ABCA13: variants seen among roughly 807,000 people sequenced by gnomAD.
ABCA13 encodes ATP binding cassette subfamily A member 13.
ABCA13 carries 476 observed loss-of-function variants against 478.7 expected under a neutral mutation model. The observed-to-expected ratio is 0.99, with a 90% confidence interval of 0.92 to 1.07. The LOEUF (loss-of-function observed/expected upper bound fraction) is 1.07, where lower values mean the gene tolerates loss of function less well. ABCA13 is among the 50% of genes least tolerant of loss of function. ABCA13 has a pLI of 0.00. For synonymous variants in ABCA13, 2,252 were observed against 2,158.9 expected (o/e 1.04, Z -1.20); for missense variants, 6,060 against 5,910.6 (o/e 1.03, Z -0.83).
At chr7:48,229,743 G>A in intron 6 of ABCA13, 82 bp from the exon 7 acceptor site, 1 of 1,535,252 alleles carries the variant, frequency 6.5e-7, no homozygotes, top group African/African-American at 1.4e-5. Flanking sequence ...CCAGTCCATG[G>A]GATGTAAGTA....
At chr7:48,612,492 A>G (rs1218126709) in intron 58 of ABCA13, among the ~76,000 whole-genome samples, 2 of 152,160 alleles carry the variant, frequency 1.3e-5, no homozygotes, top group Admixed American at 6.5e-5. Flanking sequence ...TTTTCTTACT[A>G]GGTAGTTTTT....
At chr7:48,571,483 G>C (rs1787640117) in intron 55 of ABCA13, among the ~76,000 whole-genome samples, 2 of 148,424 alleles carry the variant, frequency 1.3e-5, no homozygotes, top group African/African-American at 2.6e-5. Flanking sequence ...TTCTAGGCTA[G>C]CTTTTTTTTT....
intron 59 of ABCA13, among the ~76,000 whole-genome samples, chr7:48,638,220 C>T (rs938626386): frequency 2.0e-5 from 3 of 152,198 alleles, no homozygotes; most frequent in Admixed American, 6.5e-5. Context: ...AGACATGAAG[C>T]TGACATGGCC....
intron 59 of ABCA13, among the ~76,000 whole-genome samples, chr7:48,620,753 GT>G (rs1418953189): frequency 6.6e-6 from 1 of 152,178 alleles, no homozygotes; most frequent in Non-Finnish European, 1.5e-5. Context: ...GTCCTGCTCA[GT>G]GGCTAAGAGG....
chr7:48,257,360 G>A (rs1010687857), intron 15 of ABCA13, among the ~76,000 whole-genome samples: 1 of 152,066 alleles, frequency 6.6e-6, no homozygotes, highest in Non-Finnish European at 1.5e-5. Flanking sequence ...GGTGAGAGTG[G>A]TCATCCTTGT....
intron 29 of ABCA13, among the ~76,000 whole-genome samples, chr7:48,345,820 A>T (rs936355923): frequency 6.6e-6 from 1 of 152,216 alleles, no homozygotes; most frequent in African/African-American, 2.4e-5. Context: ...AGGCCTTCAC[A>T]TTCACTCACT....
intron 23 of ABCA13, among the ~76,000 whole-genome samples, chr7:48,300,491 T>A (rs1045520704): frequency 6.6e-6 from 1 of 152,118 alleles, no homozygotes; most frequent in Non-Finnish European, 1.5e-5. Context: ...AACACAACAA[T>A]GAGGACAGGT....
intron 55 of ABCA13, among the ~76,000 whole-genome samples, chr7:48,532,772 T>A (rs965644235): frequency 1.3e-5 from 2 of 152,068 alleles, no homozygotes; most frequent in Non-Finnish European, 2.9e-5. Context: ...CTCCTTCAGG[T>A]TTCCTAATTT....
chr7:48,367,933 G>T, intron 32 of ABCA13, 25 bp downstream of exon 32: 1 of 1,529,824 alleles, frequency 6.5e-7, no homozygotes, highest in Non-Finnish European at 8.9e-7. Flanking sequence ...ACCTTGCCTG[G>T]GAGACAAAGA....
At chr7:48,513,674 A>G (rs1261345271) in intron 51 of ABCA13, among the ~76,000 whole-genome samples, 1 of 152,214 alleles carries the variant, frequency 6.6e-6, no homozygotes, top group East Asian at 1.9e-4. Flanking sequence ...AAATTTTAAA[A>G]TCATTAAAAT....
chr7:48,588,229 C>G (rs1789381759), intron 57 of ABCA13, among the ~76,000 whole-genome samples: 1 of 152,184 alleles, frequency 6.6e-6, no homozygotes, highest in Non-Finnish European at 1.5e-5. Flanking sequence ...AATTCCTAGA[C>G]TATTGTATAG....
intron 51 of ABCA13, 139 bp from the exon 52 acceptor site, chr7:48,516,585 GA>G: frequency 2.4e-6 from 2 of 817,142 alleles, no homozygotes; most frequent in Admixed American, 2.4e-5. Context: ...TATGTATGGG[GA>G]AAAACATAGT....
chr7:48,608,614 A>T (rs1791711724), intron 58 of ABCA13, among the ~76,000 whole-genome samples: 2 of 152,264 alleles, frequency 1.3e-5, no homozygotes, highest in Non-Finnish European at 2.9e-5. Context: ...GGCATTACCC[A>T]ATGGTCCAAA....
chr7:48,568,985 A>G (rs938700809), intron 55 of ABCA13, among the ~76,000 whole-genome samples: 18 of 151,978 alleles, frequency 1.2e-4, no homozygotes, highest in Middle Eastern at 3.4e-3. Flanking sequence ...TTTATTTCTT[A>G]TTTTAGTAAT....
intron 56 of ABCA13, among the ~76,000 whole-genome samples, chr7:48,586,625 G>A (rs1265349891): frequency 6.6e-6 from 1 of 152,066 alleles, no homozygotes; most frequent in Non-Finnish European, 1.5e-5. Flanking sequence ...CTACCTGTTG[G>A]GTTCCATGCT....
chr7:48,598,225 A>G (rs999937846), intron 58 of ABCA13, among the ~76,000 whole-genome samples: 3 of 151,916 alleles, frequency 2.0e-5, no homozygotes, highest in East Asian at 1.9e-4. Context: ...GACTTTTTTC[A>G]TTTAGTTTCT....
In ABCA13 at chr7:48,550,169, A is replaced by G. The variant is rs1043545014; in HGVS notation, c.14354+21824A>G. Among the ~76,000 whole-genome samples the G allele has an allele frequency of 3.3e-5, 5 of 151,986 alleles. 1 individual carries two copies. Among genetic ancestry groups the G allele is most frequent in the East Asian group, 1.9e-4 (1 of 5,188 alleles). On this transcript the variant is annotated intron_variant, in intron 55 of 61. Transcript: ENST00000435803. ...GAAGCATAGCTAACATTTCTGTCCT[A>G]TGCTTACCACAAAGTAGCTGAATAT...
At position 48,374,350 on chromosome 7, in the gene ABCA13, C is replaced by T. The variant is rs369547343; in HGVS notation, c.11137C>T (p.Leu3713Phe). Residue 3713 changes from leucine to phenylalanine, a missense_variant, in exon 34 of 62, where the codon CTT (leucine) becomes TTT (phenylalanine). By Grantham distance (22) the Leu-to-Phe change is conservative. Transcript: ENST00000435803. Reference protein sequence around the residue: ...LSFVNQTFLCLLSTTAFGQGV... With the variant: ...LSFVNQTFLCFLSTTAFGQGV... ...TTCTCCATCAATCTGTGGGCAGTGC[C>T]TTCTTTCGACAACCGCCTTTGGACA... 1.7e-5 allele frequency: 27 copies of T among 1,608,718 alleles called. No homozygotes were observed. The African/African-American group carries it at 2.3e-4, about 14-fold the overall frequency.
chr7:48,580,081 T>C, intron 55 of ABCA13, 143 bp from the exon 56 acceptor site: 1 of 931,094 alleles, frequency 1.1e-6, no homozygotes, highest in Non-Finnish European at 1.5e-6. Flanking sequence ...TCACGTCTCA[T>C]GAAATGAACC....
Sources: allele counts gnomAD v4.1 joint callset (sites outside exome capture counted in the v4.1 genomes callset), GRCh38; gene constraint gnomAD v4.1.1; transcripts MANE v1.5; gene names NCBI Gene and HGNC (gene_info 2026-07-23, HGNC 2026-07-21).